The following RBFOX1 variants were observed in gnomAD, a reference collection of about 807,000 sequenced individuals.
RBFOX1 encodes RNA binding protein fox-1 homolog 1.
A neutral mutation model predicts 57.7 loss-of-function variants in RBFOX1; 8 were observed. The observed-to-expected ratio is 0.14, with a 90% confidence interval of 0.08 to 0.25. The LOEUF is 0.25. RBFOX1 is among the 10% of genes least tolerant of loss of function. RBFOX1 has a pLI of 1.00. For synonymous variants in RBFOX1, 326 were observed against 222.4 expected, an observed-to-expected ratio of 1.47 and a Z score of -4.15; for missense variants, 611 against 548.5, an observed-to-expected ratio of 1.11 and a Z score of -1.14.
intron 3 of RBFOX1, among the ~76,000 whole-genome samples, chr16:6,979,387 C>T (rs989227465): frequency 3.7e-5 from 2 of 54,440 alleles, no homozygotes; most frequent in African/African-American, 1.5e-4. Context: ...GAGCACTTTC[C>T]ATTGTGCGAT....
chr16:7,212,110 C>T (rs6500929), intron 4 of RBFOX1, among the ~76,000 whole-genome samples: 3 of 151,876 alleles, frequency 2.0e-5, no homozygotes, highest in Non-Finnish European at 4.4e-5. Context: ...AAAAGAGAAT[C>T]ATGCATGGAA....
At chr16:6,252,608 G>GTGTTT (rs56211071) in intron 1 of RBFOX1, among the ~76,000 whole-genome samples, 83,041 of 150,214 alleles carry the variant, frequency 0.55, 26,393 homozygotes, top group East Asian at 0.8. Context: ...CCATGCCAAG[G>GTGTTT]TGTTTTGTTT....
intron 4 of RBFOX1, among the ~76,000 whole-genome samples, chr16:7,391,943 G>A (rs1024426048): frequency 1.3e-5 from 2 of 152,104 alleles, no homozygotes; most frequent in Admixed American, 6.5e-5. Flanking sequence ...GCACTCCATC[G>A]CAGCCTAAAC....
In RBFOX1 at chr16:5,568,669, A is replaced by G. The variant is rs116321424; in HGVS notation, c.259-30233A>G. Reference sequence around the variant, plus strand: ...TTTTCCTGCAGTTCCTTGTCCACCTATGCCAGCATGGGCTTTCTCTCTCAT... The same window carrying G: ...TTTTCCTGCAGTTCCTTGTCCACCTGTGCCAGCATGGGCTTTCTCTCTCAT... On this transcript the variant is annotated intron_variant, in intron 2 of 2. Transcript: ENST00000585867. Among the ~76,000 whole-genome samples, 481 of 152,220 alleles carry G rather than the reference A, an allele frequency of 3.2e-3. 3 individuals are homozygous for G. Among genetic ancestry groups the G allele is most frequent in the African/African-American group, 0.011 (443 of 41,510 alleles).
intron 1 of RBFOX1, among the ~76,000 whole-genome samples, chr16:6,101,350 G>A (rs901672045): frequency 6.6e-6 from 1 of 152,082 alleles, no homozygotes; most frequent in African/African-American, 2.4e-5. Flanking sequence ...TCCTGTACAC[G>A]ATGTCCTCAT....
chr16:5,763,909 T>C (rs560459864), intron 3 of RBFOX1, among the ~76,000 whole-genome samples: 2 of 152,212 alleles, frequency 1.3e-5, no homozygotes, highest in Admixed American at 1.3e-4. Flanking sequence ...TCCAGGTATG[T>C]ATCCCGCCCT....
chr16:6,469,336 C>G (rs949094626), intron 2 of RBFOX1, among the ~76,000 whole-genome samples: 3 of 152,128 alleles, frequency 2.0e-5, no homozygotes, highest in African/African-American at 7.2e-5. Flanking sequence ...CAAATGATCC[C>G]ACTGACAATC....
At chr16:5,377,120 A>G (rs1356382486) in intron 1 of RBFOX1, among the ~76,000 whole-genome samples, 1 of 151,690 alleles carries the variant, frequency 6.6e-6, no homozygotes, top group Non-Finnish European at 1.5e-5. Context: ...TTAGTCATGC[A>G]GTTGAAAGCA....
At chr16:6,596,353 T>C (rs188081096) in intron 2 of RBFOX1, among the ~76,000 whole-genome samples, 25 of 152,328 alleles carry the variant, frequency 1.6e-4, no homozygotes, top group Admixed American at 1.2e-3. Flanking sequence ...CCCAGCACCA[T>C]TCATTGAAAA....
chr16:5,246,236 ACT>A (rs1205490526), intron 1 of RBFOX1, among the ~76,000 whole-genome samples: 2 of 152,122 alleles, frequency 1.3e-5, no homozygotes, highest in Admixed American at 6.5e-5. Context: ...ACAGAGCGAG[ACT>A]CTGTTTCAAA....
intron 3 of RBFOX1, among the ~76,000 whole-genome samples, chr16:5,687,048 C>A (rs567863716): frequency 6.6e-6 from 1 of 152,282 alleles, no homozygotes; most frequent in Non-Finnish European, 1.5e-5. Context: ...GGATTACTCA[C>A]TCATATTGGC....
chr16:6,225,672 G>T (rs886854785), intron 1 of RBFOX1, among the ~76,000 whole-genome samples: 1 of 152,148 alleles, frequency 6.6e-6, no homozygotes, highest in African/African-American at 2.4e-5. Flanking sequence ...CATAATTTAG[G>T]CATAAAATGT....
intron 3 of RBFOX1, among the ~76,000 whole-genome samples, chr16:6,838,799 A>G (rs1347020253): frequency 1.3e-5 from 2 of 152,214 alleles, no homozygotes; most frequent in African/African-American, 4.8e-5. Context: ...TCAAAAGGAT[A>G]TATCAGAATA....
intron 1 of RBFOX1, among the ~76,000 whole-genome samples, chr16:6,289,904 G>T (rs575287522): frequency 6.6e-6 from 1 of 152,254 alleles, no homozygotes; most frequent in South Asian, 2.1e-4. Context: ...AGAGGAGGGA[G>T]AGTAGAGAAA....
chr16:7,358,201 T>C (rs1017358516), intron 4 of RBFOX1, among the ~76,000 whole-genome samples: 5 of 152,182 alleles, frequency 3.3e-5, no homozygotes, highest in Non-Finnish European at 7.3e-5. Flanking sequence ...CCTGAGAGGG[T>C]TGATAAACCT....
At chr16:5,638,466 G>T (rs1393213797) in intron 3 of RBFOX1, among the ~76,000 whole-genome samples, 1 of 152,132 alleles carries the variant, frequency 6.6e-6, no homozygotes, top group Non-Finnish European at 1.5e-5. Flanking sequence ...GGCCTCCATT[G>T]CCTCTTACTT....
chr16:6,809,182 G>A (rs1253254073), intron 3 of RBFOX1, among the ~76,000 whole-genome samples: 1 of 152,108 alleles, frequency 6.6e-6, no homozygotes, highest in Non-Finnish European at 1.5e-5. Flanking sequence ...CCCTTTTTCT[G>A]TCTATGAATT....
chr16:7,319,451 G>GA (rs1311715008), intron 4 of RBFOX1, among the ~76,000 whole-genome samples: 1 of 152,210 alleles, frequency 6.6e-6, no homozygotes, highest in Non-Finnish European at 1.5e-5. Context: ...AGAAGACGTG[G>GA]AGGGTGGTAG....
rs997231519 is a variant in RBFOX1 at position 7,711,377 on chromosome 16, T to G, written c.*632T>G. 6.6e-6 allele frequency: 1 copy of G among 152,598 alleles called. No individual in the cohort carries two copies. The highest frequency in any genetic ancestry group is 1.5e-5 in the Non-Finnish European group (1 of 68,042). 9.5% of individuals were successfully genotyped at this position (152,598 alleles called of 1,614,324 possible). A position where few individuals can be genotyped will look rare whatever the true frequency, so the allele number is the denominator to read the frequency against. ...GTAGCACTTGTGCATCTGAGTTGAA[T>G]GAAGCTGTGCAAACCCACCCTTTAA... On this transcript the variant is annotated 3_prime_UTR_variant, in exon 16 of 16. Transcript: ENST00000550418.
Sources: allele counts gnomAD v4.1 joint callset (sites outside exome capture counted in the v4.1 genomes callset), GRCh38; gene constraint gnomAD v4.1.1; transcripts MANE v1.5; gene names NCBI Gene and HGNC (gene_info 2026-07-23, HGNC 2026-07-21).